Variants in NLGN4X observed in about 807,000 individuals in gnomAD.
NLGN4X encodes neuroligin-4, X-linked.
NLGN4X carries 3 observed loss-of-function variants against 40.3 expected under a neutral mutation model. The ratio of observed to expected loss-of-function variants is 0.07; its 90% confidence interval spans 0.03 to 0.19. NLGN4X has a LOEUF of 0.19. Ranked by LOEUF, NLGN4X falls within the 10% of genes least tolerant of loss-of-function variation. NLGN4X has a pLI of 1.00. For missense variants in NLGN4X, 382 were observed against 708.3 expected, an observed-to-expected ratio of 0.54 and a Z score of 5.23; for synonymous variants, 270 against 306.8, an observed-to-expected ratio of 0.88 and a Z score of 1.25.
chrX:6,067,080 G>A (rs752830129), intron 2 of NLGN4X, among the ~76,000 whole-genome samples: 1 of 109,791 alleles, frequency 9.1e-6, no homozygotes, highest in Non-Finnish European at 1.9e-5. Flanking sequence ...CTGCACATCA[G>A]CCTGGGCAAC....
At chrX:6,178,470 C>A (rs947606369) in intron 1 of NLGN4X, among the ~76,000 whole-genome samples, 14 of 111,495 alleles carry the variant, frequency 1.3e-4, no homozygotes, top group African/African-American at 3.6e-4. Context: ...CAAGGCAACC[C>A]CTGGGAAGCA....
At chrX:6,086,959 G>A (rs971973250) in intron 2 of NLGN4X, among the ~76,000 whole-genome samples, 50 of 111,505 alleles carry the variant, frequency 4.5e-4, no homozygotes, top group African/African-American at 1.6e-3. Flanking sequence ...TGATTAAATT[G>A]GTTTGGGCAG....
At chrX:5,981,694 G>T (rs772176914) in intron 3 of NLGN4X, among the ~76,000 whole-genome samples, 6 of 110,632 alleles carry the variant, frequency 5.4e-5, no homozygotes, top group East Asian at 2.8e-4. Context: ...AATGTGTCTA[G>T]ATTTTAAAGG....
chrX:6,000,025 G>C (rs2035933733), intron 3 of NLGN4X, among the ~76,000 whole-genome samples: 1 of 112,139 alleles, frequency 8.9e-6, no homozygotes, highest in South Asian at 3.7e-4. Context: ...ATAAAACCAA[G>C]AGTCAAAGAC....
In NLGN4X at chrX:6,064,905, A is replaced by T. The variant is rs958311312; in HGVS notation, c.473-35473T>A. Among the ~76,000 whole-genome samples, 557 of 111,500 alleles carry T rather than the reference A, an allele frequency of 5.0e-3. 5 individuals are homozygous for T. The highest frequency in any genetic ancestry group is 0.017 in the African/African-American group (537 of 30,709). On this transcript the variant is annotated intron_variant, in intron 2 of 5. Coordinates refer to ENST00000381095, the MANE Select transcript of NLGN4X (RefSeq NM_181332.3). ...GAACTGGATAAAGAAAATGTGGTGT[A>T]ATATACATCATGGAATACTATATAG...
chrX:6,192,312 G>A (rs1922615860), intron 1 of NLGN4X, among the ~76,000 whole-genome samples: 1 of 110,273 alleles, frequency 9.1e-6, no homozygotes, highest in African/African-American at 3.3e-5. Context: ...ATTTTTTGTA[G>A]AGATGAAGTC....
intron 2 of NLGN4X, among the ~76,000 whole-genome samples, chrX:6,046,914 TA>T (rs1226584387): frequency 9.2e-6 from 1 of 108,451 alleles, no homozygotes; most frequent in Non-Finnish European, 1.9e-5. Flanking sequence ...TAATTGTGTA[TA>T]AAATGTATAT....
At chrX:6,214,876 C>T (rs1299036266) in intron 1 of NLGN4X, among the ~76,000 whole-genome samples, 2 of 112,021 alleles carry the variant, frequency 1.8e-5, no homozygotes, top group African/African-American at 6.5e-5. Context: ...AATTAATTAA[C>T]ACTTCAAAAA....
At chrX:5,962,481 C>T (rs372267192) in intron 3 of NLGN4X, among the ~76,000 whole-genome samples, 2 of 112,216 alleles carry the variant, frequency 1.8e-5, no homozygotes, top group Non-Finnish European at 3.8e-5. Flanking sequence ...TCACTATGTA[C>T]GTTTGTTTTC....
intron 3 of NLGN4X, among the ~76,000 whole-genome samples, chrX:6,022,332 C>T (rs941529102): frequency 2.7e-5 from 3 of 111,803 alleles, no homozygotes; most frequent in East Asian, 2.8e-4. Flanking sequence ...TTAATATATA[C>T]GCTTATGAAC....
chrX:6,124,389 T>C (rs12845085), intron 2 of NLGN4X, among the ~76,000 whole-genome samples: 19,826 of 111,407 alleles, frequency 0.18, 1,353 homozygotes, highest in Non-Finnish European at 0.2. Context: ...TAAAATGTAA[T>C]TGAGGATATA....
intron 1 of NLGN4X, among the ~76,000 whole-genome samples, chrX:6,196,364 A>G (rs1161812333): frequency 9.1e-6 from 1 of 109,972 alleles, no homozygotes; most frequent in Non-Finnish European, 1.9e-5. Context: ...GTCCTGGCTA[A>G]CACGGTTTAA....
chrX:6,197,701 C>A (rs1179709781), intron 1 of NLGN4X, among the ~76,000 whole-genome samples: 1 of 110,962 alleles, frequency 9.0e-6, no homozygotes, highest in Middle Eastern at 4.2e-3. Flanking sequence ...CTTTTAAAAA[C>A]ATTAATTATA....
At chrX:5,938,368 T>C (rs2033801459) in intron 3 of NLGN4X, among the ~76,000 whole-genome samples, 2 of 111,157 alleles carry the variant, frequency 1.8e-5, no homozygotes, top group Non-Finnish European at 3.8e-5. Context: ...TCAAAGGCCA[T>C]GGGTCGGAGA....
intron 2 of NLGN4X, among the ~76,000 whole-genome samples, chrX:6,063,763 T>C (rs1042523643): frequency 8.9e-6 from 1 of 112,318 alleles, no homozygotes; most frequent in Non-Finnish European, 1.9e-5. Context: ...TCTTAGAGAA[T>C]AAATGATTTG....
intron 3 of NLGN4X, among the ~76,000 whole-genome samples, chrX:5,950,432 T>C (rs1281947559): frequency 8.9e-6 from 1 of 112,339 alleles, no homozygotes; most frequent in African/African-American, 3.2e-5. Context: ...ATGCAACTAC[T>C]AGAAAACTTA....
chrX:6,115,157 G>A (rs1200917037), intron 2 of NLGN4X, among the ~76,000 whole-genome samples: 1 of 111,858 alleles, frequency 8.9e-6, no homozygotes, highest in African/African-American at 3.3e-5. Flanking sequence ...CAGGAGGATG[G>A]ATGAATTTCG....
At chrX:5,925,053 T>C (rs1360610191) in intron 3 of NLGN4X, among the ~76,000 whole-genome samples, 1 of 111,887 alleles carries the variant, frequency 8.9e-6, no homozygotes, top group Non-Finnish European at 1.9e-5. Flanking sequence ...TAAGTTGTTT[T>C]GCAAGTAGAC....
intron 3 of NLGN4X, among the ~76,000 whole-genome samples, chrX:5,951,164 C>G (rs2034296501): frequency 9.0e-6 from 1 of 111,591 alleles, no homozygotes; most frequent in African/African-American, 3.3e-5. Flanking sequence ...TACTACCTGC[C>G]TCAAATTCTC....
Sources: allele counts gnomAD v4.1 joint callset (sites outside exome capture counted in the v4.1 genomes callset), GRCh38; gene constraint gnomAD v4.1.1; transcripts MANE v1.5; gene names NCBI Gene and HGNC (gene_info 2026-07-23, HGNC 2026-07-21).